WWC2: variants seen among roughly 807,000 people sequenced by gnomAD.
WWC2 encodes protein WWC2.
Under a neutral mutation model 138.5 loss-of-function variants are expected in WWC2, and 101 were observed. The observed-to-expected ratio is 0.73, with a 90% confidence interval of 0.62 to 0.86. The LOEUF is 0.86. Ranked by LOEUF, WWC2 falls within the 40% of genes least tolerant of loss-of-function variation. WWC2 has a pLI of 0.00. For missense variants in WWC2, 1,420 were observed against 1,419.4 expected, an observed-to-expected ratio of 1.00 and a Z score of -0.01; for synonymous variants, 558 against 538.4, an observed-to-expected ratio of 1.04 and a Z score of -0.50.
intron 1 of WWC2, among the ~76,000 whole-genome samples, chr4:183,136,798 T>C (rs951251223): frequency 6.6e-6 from 1 of 152,218 alleles, no homozygotes; most frequent in African/African-American, 2.4e-5. Flanking sequence ...ATAGTTCTTC[T>C]TCTTCCAGTG....
chr4:183,149,872 T>G (rs1486875260), intron 1 of WWC2, among the ~76,000 whole-genome samples: 1 of 152,198 alleles, frequency 6.6e-6, no homozygotes, highest in East Asian at 1.9e-4. Context: ...AACAATGATC[T>G]CATTCAGTCA....
At chr4:183,111,977 C>T (rs1391417280) in intron 1 of WWC2, among the ~76,000 whole-genome samples, 2 of 152,148 alleles carry the variant, frequency 1.3e-5, no homozygotes, top group African/African-American at 4.8e-5. Flanking sequence ...GGATTACAGG[C>T]GTGAGCCACC....
intron 12 of WWC2, 35 bp downstream of exon 12, chr4:183,265,142 G>A (rs773640310): frequency 2.2e-5 from 34 of 1,580,540 alleles, no homozygotes; most frequent in South Asian, 8.3e-5. Flanking sequence ...TAGCTCCAGC[G>A]AATCTCCATC....
chr4:183,140,629 AT>A lies in WWC2; in HGVS notation c.131+41015del, dbSNP rs143457857. On this transcript the variant is annotated intron_variant, in intron 1 of 22. Coordinates refer to ENST00000403733, the MANE Select transcript of WWC2 (RefSeq NM_024949.6). ...AAAGAATATATTGGGTTTAGCAAGT[AT>A]TTTTTTTACTGTATATAAAGAAGCA... Among the ~76,000 whole-genome samples the A allele has an allele frequency of 5.3e-5, 8 of 152,052 alleles. 1 individual carries two copies. Among genetic ancestry groups the A allele is most frequent in the Admixed American group, 2.6e-4 (4 of 15,268 alleles).
chr4:183,241,164 T>G (rs1008574050), intron 5 of WWC2, among the ~76,000 whole-genome samples: 4 of 152,218 alleles, frequency 2.6e-5, no homozygotes, highest in African/African-American at 9.6e-5. Flanking sequence ...TGGTCAGTTT[T>G]GTGTTCAGGC....
chr4:183,137,269 T>C (rs1290444992), intron 1 of WWC2, among the ~76,000 whole-genome samples: 1 of 152,220 alleles, frequency 6.6e-6, no homozygotes, highest in African/African-American at 2.4e-5. Flanking sequence ...TATTGAACTT[T>C]TTGACTTTTT....
At chr4:183,314,533 G>C (rs533350587) in intron 22 of WWC2, among the ~76,000 whole-genome samples, 2 of 152,196 alleles carry the variant, frequency 1.3e-5, no homozygotes, top group Non-Finnish European at 2.9e-5. Flanking sequence ...AGGCAGCGGT[G>C]GGGCCTGGGC....
intron 6 of WWC2, among the ~76,000 whole-genome samples, chr4:183,248,168 C>T (rs1736857634): frequency 6.6e-6 from 1 of 152,182 alleles, no homozygotes; most frequent in African/African-American, 2.4e-5. Flanking sequence ...CACAGATGGG[C>T]TTGTTCCATG....
chr4:183,151,954 A>G (rs1733646760), intron 1 of WWC2, among the ~76,000 whole-genome samples: 2 of 123,108 alleles, frequency 1.6e-5, no homozygotes, highest in African/African-American at 5.4e-5. Context: ...AAAAAATTAC[A>G]TTTTATAGTA....
At chr4:183,238,921 A>G (rs1210500227) in intron 4 of WWC2, among the ~76,000 whole-genome samples, 2 of 152,210 alleles carry the variant, frequency 1.3e-5, no homozygotes, top group African/African-American at 2.4e-5. Flanking sequence ...AGCACCAGAC[A>G]CATAGTAGAG....
At chr4:183,289,833 A>G (rs1000780937) in intron 21 of WWC2, among the ~76,000 whole-genome samples, 198 bp downstream of exon 21, 1 of 151,562 alleles carries the variant, frequency 6.6e-6, no homozygotes, top group African/African-American at 2.4e-5. Context: ...GGAACAAGGA[A>G]GCTGGGAAGG....
chr4:183,121,898 G>T (rs1393952146), intron 1 of WWC2, among the ~76,000 whole-genome samples: 1 of 150,074 alleles, frequency 6.7e-6, no homozygotes, highest in African/African-American at 2.5e-5. Context: ...CCATTCTCCT[G>T]CCTCAGCTTC....
chr4:183,111,104 G>A (rs937688173), intron 1 of WWC2, among the ~76,000 whole-genome samples: 5 of 152,134 alleles, frequency 3.3e-5, no homozygotes, highest in Admixed American at 6.5e-5. Flanking sequence ...GCCGGGCGTC[G>A]TGGCAGGCGC....
chr4:183,177,323 G>A (rs1347137368), intron 1 of WWC2, among the ~76,000 whole-genome samples: 2 of 152,040 alleles, frequency 1.3e-5, no homozygotes, highest in African/African-American at 4.8e-5. Context: ...TCAAGGCTAA[G>A]GATCATGCAT....
At chr4:183,201,780 G>A (rs1399918556) in intron 2 of WWC2, among the ~76,000 whole-genome samples, 3 of 152,216 alleles carry the variant, frequency 2.0e-5, no homozygotes, top group Non-Finnish European at 2.9e-5. Flanking sequence ...GGGCATTCCA[G>A]AAAATTGATA....
At chr4:183,230,242 A>G (rs1243533513) in intron 4 of WWC2, among the ~76,000 whole-genome samples, 1 of 152,088 alleles carries the variant, frequency 6.6e-6, no homozygotes. Context: ...TAGTTTAGTT[A>G]ATAGTATAGA....
chr4:183,302,098 AT>A (rs1580166171), intron 21 of WWC2, among the ~76,000 whole-genome samples: 1 of 152,234 alleles, frequency 6.6e-6, no homozygotes, highest in East Asian at 1.9e-4. Flanking sequence ...CAAATTTTCT[AT>A]TATAAACAAT....
At chr4:183,284,535 A>G in intron 19 of WWC2, 145 bp downstream of exon 19, 1 of 943,784 alleles carries the variant, frequency 1.1e-6, no homozygotes, top group Non-Finnish European at 1.5e-6. Context: ...ACAGATGTAG[A>G]ATATCACGTG....
chr4:183,196,758 C>G (rs1371227659), intron 2 of WWC2, among the ~76,000 whole-genome samples: 2 of 152,294 alleles, frequency 1.3e-5, no homozygotes, highest in Non-Finnish European at 2.9e-5. Context: ...CCTAGGCCCT[C>G]CCTTTGTCTG....
Sources: allele counts gnomAD v4.1 joint callset (sites outside exome capture counted in the v4.1 genomes callset), GRCh38; gene constraint gnomAD v4.1.1; transcripts MANE v1.5; gene names NCBI Gene and HGNC (gene_info 2026-07-23, HGNC 2026-07-21).